The following TSHZ3 variants were observed in gnomAD, a reference collection of about 807,000 sequenced individuals.
TSHZ3 encodes teashirt zinc finger homeobox 3, also known as teashirt homolog 3.
Under a neutral mutation model 64.5 loss-of-function variants are expected in TSHZ3, and 10 were observed. That is an observed-to-expected ratio of 0.16 (90% confidence interval 0.10 to 0.26). TSHZ3 has a LOEUF of 0.26. TSHZ3 is among the 10% of genes least tolerant of loss of function. TSHZ3 has a pLI of 1.00. For missense variants in TSHZ3, 1,242 were observed against 1,421.7 expected, an observed-to-expected ratio of 0.87 and a Z score of 2.03; for synonymous variants, 608 against 593.1, an observed-to-expected ratio of 1.03 and a Z score of -0.36.
intron 1 of TSHZ3, among the ~76,000 whole-genome samples, chr19:31,288,694 C>T (rs1976509484): frequency 6.6e-6 from 1 of 152,188 alleles, no homozygotes; most frequent in African/African-American, 2.4e-5. Flanking sequence ...AGGTAAGCAC[C>T]ACCATGCTAA....
chr19:31,341,710 A>G (rs1917445622), intron 1 of TSHZ3, among the ~76,000 whole-genome samples: 2 of 151,440 alleles, frequency 1.3e-5, no homozygotes, highest in Admixed American at 6.6e-5. Flanking sequence ...AAACCTACAG[A>G]ACAGCTCCTT....
chr19:31,207,421 G>C (rs1441219518), intron 4 of TSHZ3: 1 of 152,094 alleles, frequency 6.6e-6, no homozygotes, highest in Non-Finnish European at 1.5e-5. Context: ...GTGAAGTACT[G>C]CAAAGTTTAA....
At chr19:31,168,044 CAAAT>C (rs1974479858) in intron 5 of TSHZ3, among the ~76,000 whole-genome samples, 1 of 152,032 alleles carries the variant, frequency 6.6e-6, no homozygotes, top group Admixed American at 6.6e-5. Context: ...GGGGAACCCA[CAAAT>C]AAGCAAGTGA....
At chr19:31,318,725 T>A (rs1916678189) in intron 1 of TSHZ3, among the ~76,000 whole-genome samples, 1 of 152,214 alleles carries the variant, frequency 6.6e-6, no homozygotes, top group Non-Finnish European at 1.5e-5. Context: ...ACAATTATGA[T>A]AAAAGATGGT....
At chr19:31,158,231 C>T (rs1224178361) in intron 5 of TSHZ3, among the ~76,000 whole-genome samples, 1 of 152,110 alleles carries the variant, frequency 6.6e-6, no homozygotes, top group Admixed American at 6.5e-5. Flanking sequence ...AGAAAATGTA[C>T]TATCAATGTA....
intron 1 of TSHZ3, among the ~76,000 whole-genome samples, chr19:31,301,589 A>C (rs1976757617): frequency 6.6e-6 from 1 of 152,162 alleles, no homozygotes; most frequent in South Asian, 2.1e-4. Context: ...TGTGCTGGGC[A>C]TCGTCATAGA....
chr19:31,309,540 C>T (rs1234413463), intron 1 of TSHZ3, among the ~76,000 whole-genome samples: 1 of 152,168 alleles, frequency 6.6e-6, no homozygotes, highest in African/African-American at 2.4e-5. Context: ...CATTGGGAAC[C>T]ATCAAGTCAG....
At chr19:31,257,845 G>T (rs772620346) in intron 1 of TSHZ3, among the ~76,000 whole-genome samples, 2 of 152,210 alleles carry the variant, frequency 1.3e-5, no homozygotes, top group Non-Finnish European at 2.9e-5. Context: ...CACGAAAGCA[G>T]ATCTGACTGG....
chr19:31,186,956 A>G (rs1283842858), intron 5 of TSHZ3, among the ~76,000 whole-genome samples: 1 of 150,800 alleles, frequency 6.6e-6, no homozygotes, highest in Non-Finnish European at 1.5e-5. Flanking sequence ...TCCTTTTCCA[A>G]ATGTGTATAT....
At chr19:31,199,273 G>C (rs191617406) in intron 5 of TSHZ3, among the ~76,000 whole-genome samples, 2 of 151,394 alleles carry the variant, frequency 1.3e-5, no homozygotes, top group African/African-American at 2.4e-5. Flanking sequence ...GCATCGTGGC[G>C]GGCGCCTGTA....
At chr19:31,349,769 A>AGCC (rs2021652463), upstream of TSHZ3, among the ~76,000 whole-genome samples, 2 of 145,746 alleles carry the variant, frequency 1.4e-5, no homozygotes, top group South Asian at 4.4e-4. Context: ...GGGGACGCGC[A>AGCC]GCCGCCGCCG....
At chr19:31,249,961 C>T (rs1206020783) in intron 1 of TSHZ3, among the ~76,000 whole-genome samples, 1 of 152,214 alleles carries the variant, frequency 6.6e-6, no homozygotes, top group African/African-American at 2.4e-5. Context: ...GAAATATATC[C>T]TCCCTGGAGC....
rs1405008821 is a variant in TSHZ3 at position 31,222,818 on chromosome 19, CAT to C, written n.686+5185_686+5186del. 6.2e-4 allele frequency among the ~76,000 whole-genome samples: 94 copies of C among 152,296 alleles called. 2 individuals are homozygous for C. The East Asian group carries it at 0.017, about 28-fold the overall frequency. On this transcript the variant is annotated intron_variant and non_coding_transcript_variant, in intron 4 of 6. Coordinates refer to the TSHZ3 transcript ENST00000651361. ...TTGTCCTTCTCCATTTCTATTTTGC[CAT>C]ATAAACATGACAGAGAGTGATTCAG...
intron 1 of TSHZ3, among the ~76,000 whole-genome samples, chr19:31,303,758 A>C: frequency 6.6e-6 from 1 of 152,212 alleles, no homozygotes; most frequent in Non-Finnish European, 1.5e-5. Context: ...CGCTGGCTGC[A>C]CTGTCATGGG....
At chr19:31,300,217 A>G (rs968837742) in intron 1 of TSHZ3, among the ~76,000 whole-genome samples, 3 of 152,280 alleles carry the variant, frequency 2.0e-5, no homozygotes, top group Admixed American at 2.0e-4. Flanking sequence ...TAAATGTTCT[A>G]CGAGACTACT....
At chr19:31,238,188 T>A (rs1335831188) in intron 3 of TSHZ3, among the ~76,000 whole-genome samples, 3 of 152,136 alleles carry the variant, frequency 2.0e-5, no homozygotes, top group Non-Finnish European at 4.4e-5. Context: ...AGAGAAATGT[T>A]AAAATTTTTC....
chr19:31,195,053 G>GA (rs557957305), intron 5 of TSHZ3, among the ~76,000 whole-genome samples: 4 of 151,336 alleles, frequency 2.6e-5, no homozygotes, highest in African/African-American at 4.9e-5. Context: ...GGGAGAAAAA[G>GA]AAAAAAATGG....
intron 1 of TSHZ3, among the ~76,000 whole-genome samples, chr19:31,323,863 A>ACAC (rs1916850882): frequency 6.5e-5 from 8 of 122,238 alleles, no homozygotes; most frequent in South Asian, 6.3e-4. Context: ...CCTGGCCTCC[A>ACAC]ACACACACAC....
At chr19:31,290,448 G>C (rs776388986) in intron 1 of TSHZ3, among the ~76,000 whole-genome samples, 2 of 151,972 alleles carry the variant, frequency 1.3e-5, no homozygotes, top group Non-Finnish European at 2.9e-5. Flanking sequence ...ACACACACTG[G>C]GGGGTACCAA....
Sources: gnomAD v4.1 joint callset for allele counts (sites outside exome capture counted in the v4.1 genomes callset) on GRCh38, gnomAD v4.1.1 for gene constraint, MANE v1.5 for transcripts, NCBI Gene and HGNC (gene_info 2026-07-23, HGNC 2026-07-21) for gene names.